TMTC1: variants seen among roughly 807,000 people sequenced by gnomAD.
TMTC1 encodes transmembrane O-mannosyltransferase targeting cadherins 1, also known as protein O-mannosyl-transferase TMTC1.
Under a neutral mutation model 104.8 loss-of-function variants are expected in TMTC1, and 73 were observed. That is an observed-to-expected ratio of 0.70 (90% CI 0.58 to 0.85). The LOEUF is 0.85. Ranked by LOEUF, TMTC1 falls within the 40% of genes least tolerant of loss-of-function variation. The pLI is 0.00. For missense variants in TMTC1, 1,035 were observed against 1,096.1 expected, an observed-to-expected ratio of 0.94 and a Z score of 0.79; for synonymous variants, 434 against 428.7, an observed-to-expected ratio of 1.01 and a Z score of -0.15.
intron 11 of TMTC1, 81 bp from the exon 12 acceptor site, chr12:29,520,801 G>T: frequency 9.0e-7 from 1 of 1,111,326 alleles, no homozygotes; most frequent in Non-Finnish European, 1.3e-6. Flanking sequence ...AGCAGGAAAA[G>T]CAAAAAAAAA....
At chr12:29,584,029 T>C (rs1267276261) in intron 7 of TMTC1, among the ~76,000 whole-genome samples, 2 of 152,138 alleles carry the variant, frequency 1.3e-5, no homozygotes. Context: ...AAGCTCTGTG[T>C]CAGGTCCTGG....
rs1488925783 is a variant in TMTC1 at position 29,577,039 on chromosome 12, C to T, written c.1419-4821G>A. Among the ~76,000 whole-genome samples, 11 of 152,074 alleles carry T rather than the reference C, an allele frequency of 7.2e-5. No individual in the cohort carries two copies. The East Asian group carries it at 1.9e-3, about 27-fold the overall frequency. ...ATAAATGGTGTTGATGAAATTCTGG[C>T]TGCATGGAGAATACCTAAGGAGAAC... On this transcript the variant is annotated intron_variant, in intron 8 of 17. Transcript: ENST00000539277.
chr12:29,572,687 C>T (rs1018240733), intron 8 of TMTC1, among the ~76,000 whole-genome samples: 4 of 152,112 alleles, frequency 2.6e-5, no homozygotes, highest in South Asian at 2.1e-4. Flanking sequence ...GCAGATGCAC[C>T]CACACTGGGG....
chr12:29,771,612 T>C (rs1262056962), intron 1 of TMTC1, among the ~76,000 whole-genome samples: 1 of 152,126 alleles, frequency 6.6e-6, no homozygotes, highest in East Asian at 1.9e-4. Flanking sequence ...AATTAAATGT[T>C]AAGGAATTCT....
rs1938386036 is a variant in TMTC1, at chr12:29,633,212, A to G, written c.1063T>C (p.Leu355=). 1 of 1,614,072 alleles carries G rather than the reference A, an allele frequency of 6.2e-7. No individual in the cohort carries two copies. ...LVETIWDMRN[L]ATIFLAVVMA... ...ACAACCGCCAGAAAGATGGTGGCTA[A>G]GTTCCGCATGTCCCATATGGTCTCT... Residue 355 remains leucine, a synonymous_variant, in exon 6 of 18, where the codon TTA becomes CTA. Transcript: ENST00000539277.
intron 5 of TMTC1, among the ~76,000 whole-genome samples, chr12:29,644,067 ATTT>A (rs1406543699): frequency 2.7e-4 from 4 of 14,782 alleles, no homozygotes; most frequent in South Asian, 7.0e-3. Context: ...TAAATATATA[ATTT>A]ATAGATAAAT....
At chr12:29,635,163 C>G (rs1291084836) in intron 5 of TMTC1, among the ~76,000 whole-genome samples, 3 of 150,584 alleles carry the variant, frequency 2.0e-5, no homozygotes, top group Non-Finnish European at 3.0e-5. Flanking sequence ...AAAGTCCAGG[C>G]TTTGTTATTT....
intron 5 of TMTC1, among the ~76,000 whole-genome samples, chr12:29,700,615 C>T (rs1164261154): frequency 6.6e-6 from 1 of 152,134 alleles, no homozygotes; most frequent in African/African-American, 2.4e-5. Context: ...TTTTGTTGTA[C>T]TTGTACATTT....
intron 6 of TMTC1, among the ~76,000 whole-genome samples, chr12:29,609,308 C>G (rs1466135681): frequency 6.6e-6 from 1 of 152,198 alleles, no homozygotes; most frequent in Non-Finnish European, 1.5e-5. Flanking sequence ...TAAAGCTCCC[C>G]TCTTCAGCCC....
chr12:29,554,899 AT>A (rs1945198746), intron 10 of TMTC1, among the ~76,000 whole-genome samples: 1 of 152,096 alleles, frequency 6.6e-6, no homozygotes. Context: ...AATGTGTTTT[AT>A]TTTCTAGTCT....
intron 5 of TMTC1, among the ~76,000 whole-genome samples, chr12:29,634,512 C>A (rs915589259): frequency 2.0e-5 from 3 of 152,190 alleles, no homozygotes; most frequent in African/African-American, 7.2e-5. Context: ...AAGGCCCAGT[C>A]ACCTCTGCAC....
intron 11 of TMTC1, among the ~76,000 whole-genome samples, chr12:29,528,814 T>C (rs1489612842): frequency 6.6e-6 from 1 of 152,090 alleles, no homozygotes; most frequent in African/African-American, 2.4e-5. Flanking sequence ...TTTACTACAT[T>C]GGAAAAGAAG....
At position 29,577,189 on chromosome 12, in the gene TMTC1, C is replaced by T. The variant is rs140841435; in HGVS notation, c.1419-4971G>A. ...TATCTAGTGAAGGGCAATGTATTAA[C>T]CTGTTAGGGGAGCCAGGTTTTGCTA... On this transcript the variant is annotated intron_variant, in intron 8 of 17. Transcript: ENST00000539277. Among the ~76,000 whole-genome samples, 97 of 152,132 alleles carry T rather than the reference C, an allele frequency of 6.4e-4. No homozygotes were observed. The East Asian group carries it at 0.012, about 19-fold the overall frequency.
chr12:29,544,640 G>A (rs1296891695), intron 10 of TMTC1, among the ~76,000 whole-genome samples: 2 of 152,162 alleles, frequency 1.3e-5, no homozygotes, highest in African/African-American at 4.8e-5. Context: ...GCATGGGGGC[G>A]GGCTGGGATA....
chr12:29,781,785 C>T (rs1452017422), intron 1 of TMTC1, among the ~76,000 whole-genome samples: 1 of 152,126 alleles, frequency 6.6e-6, no homozygotes, highest in Non-Finnish European at 1.5e-5. Flanking sequence ...GAGCAATAAT[C>T]ATGCCACTGC....
At chr12:29,524,109 CAATT>C (rs1286525881) in intron 11 of TMTC1, among the ~76,000 whole-genome samples, 1 of 152,058 alleles carries the variant, frequency 6.6e-6, no homozygotes, top group African/African-American at 2.4e-5. Flanking sequence ...TTTGTCATCT[CAATT>C]AAAGAGAGAC....
intron 9 of TMTC1, among the ~76,000 whole-genome samples, chr12:29,571,307 T>C (rs566322180): frequency 6.6e-6 from 1 of 152,090 alleles, no homozygotes; most frequent in East Asian, 1.9e-4. Flanking sequence ...GTTAAGTACA[T>C]GTATTATCTG....
At chr12:29,725,244 C>G (rs927203375) in intron 5 of TMTC1, among the ~76,000 whole-genome samples, 1 of 151,734 alleles carries the variant, frequency 6.6e-6, no homozygotes, top group African/African-American at 2.4e-5. Context: ...CCAGGCTGGT[C>G]TCGAACTTGT....
intron 5 of TMTC1, among the ~76,000 whole-genome samples, chr12:29,707,973 T>C (rs984856613): frequency 6.6e-6 from 1 of 152,214 alleles, no homozygotes; most frequent in African/African-American, 2.4e-5. Flanking sequence ...TACTTACTCA[T>C]GGAAGACATG....
Sources: gnomAD v4.1 joint callset for allele counts (sites outside exome capture counted in the v4.1 genomes callset) on GRCh38, gnomAD v4.1.1 for gene constraint, MANE v1.5 for transcripts, NCBI Gene and HGNC (gene_info 2026-07-23, HGNC 2026-07-21) for gene names.